The following SCNN1G variants were observed in gnomAD, a reference collection of about 807,000 sequenced individuals.
SCNN1G encodes epithelial sodium channel subunit gamma.
Under a neutral mutation model 64.6 loss-of-function variants are expected in SCNN1G, and 27 were observed. The observed-to-expected ratio is 0.42, with a 90% CI of 0.31 to 0.58. The LOEUF (loss-of-function observed/expected upper bound fraction) is 0.58. SCNN1G is among the 20% of genes least tolerant of loss of function. The probability of loss-of-function intolerance (pLI) is 0.18; values close to 1 mark genes in which losing one functional copy is unlikely to be tolerated. For synonymous variants in SCNN1G, 330 were observed against 314.2 expected, an observed-to-expected ratio of 1.05 and a Z score of -0.53; for missense variants, 743 against 823.4, an observed-to-expected ratio of 0.90 and a Z score of 1.19.
intron 11 of SCNN1G, among the ~76,000 whole-genome samples, chr16:23,213,506 C>T (rs1458834413): frequency 6.6e-6 from 1 of 152,202 alleles, no homozygotes; most frequent in Non-Finnish European, 1.5e-5. Context: ...CCTCCCTTGG[C>T]CTTCCAAAGT....
intron 8 of SCNN1G, 125 bp from the exon 9 acceptor site, chr16:23,212,553 G>A (rs150797511): frequency 7.6e-6 from 6 of 792,402 alleles, no homozygotes; most frequent in Non-Finnish European, 1.1e-5. Context: ...TTTCCAGAGA[G>A]TTGGTAGAAA....
chr16:23,215,362 C>G lies in SCNN1G; in HGVS notation c.1843C>G (p.Leu615Val), dbSNP rs760665964. The G allele has an allele frequency of 1.9e-6, 3 of 1,614,156 alleles. No individual in the cohort carries two copies. In the South Asian group the frequency reaches 3.3e-5, roughly 18 times the overall value. Residue 615 changes from leucine to valine, a missense_variant, in exon 13 of 13, where the codon CTA (leucine) becomes GTA (valine). Physicochemically the swap from Leu to Val is conservative, Grantham distance 32 (BLOSUM62 1). Coordinates refer to ENST00000300061, the MANE Select transcript of SCNN1G (RefSeq NM_001039.4). ...CTCTGCTTTGCACCTGCCTCCAGCC[C>G]TAGGAACCCAAGTGCCCGGCACACC... ...FNSALHLPPA[L>V]GTQVPGTPPP...
At chr16:23,182,913 C>A (rs946896071) in intron 1 of SCNN1G, 100 bp downstream of exon 1, 4 of 152,500 alleles carry the variant, frequency 2.6e-5, no homozygotes, top group Non-Finnish European at 5.9e-5. Flanking sequence ...CGGTGGGTGG[C>A]CGAGCCAGCA....
At chr16:23,199,963 G>T (rs1047623037) in intron 6 of SCNN1G, among the ~76,000 whole-genome samples, 1 of 152,114 alleles carries the variant, frequency 6.6e-6, no homozygotes, top group Non-Finnish European at 1.5e-5. Flanking sequence ...GAGCCACAGC[G>T]CCTGGCCCAT....
intron 5 of SCNN1G, among the ~76,000 whole-genome samples, chr16:23,196,213 A>G (rs1959793004): frequency 6.6e-6 from 1 of 152,220 alleles, no homozygotes; most frequent in African/African-American, 2.4e-5. Context: ...CTATTTAAGG[A>G]GCAAAAGATT....
intron 3 of SCNN1G, 61 bp downstream of exon 3, chr16:23,189,732 A>G: frequency 6.6e-7 from 1 of 1,516,238 alleles, no homozygotes; most frequent in Non-Finnish European, 9.2e-7. Flanking sequence ...TGGGTCCAGG[A>G]CTCTTCTCCT....
At chr16:23,185,326 T>G (rs1030097026) in intron 1 of SCNN1G, among the ~76,000 whole-genome samples, 2 of 152,240 alleles carry the variant, frequency 1.3e-5, no homozygotes, top group African/African-American at 4.8e-5. Flanking sequence ...GACTATATAT[T>G]ATAAACATGA....
At position 23,197,284 on chromosome 16, in the gene SCNN1G, A is replaced by G. The variant is rs773230579; in HGVS notation, c.934A>G (p.Ile312Val). The G allele has an allele frequency of 1.9e-6, 3 of 1,613,856 alleles. No homozygotes were observed. The highest frequency in any genetic ancestry group is 2.2e-5 in the East Asian group (1 of 44,900). Residue 312 changes from isoleucine to valine, a missense_variant, in exon 6 of 13, where the codon ATA becomes GTA. Ile to Val is a conservative substitution (Grantham distance 29). Transcript: ENST00000300061. ...CCCAGGGCTGCAAGTCATTTTGTAC[A>G]TAAACGAAGAGGAATACAACCCATT... ...SEYGLQVILY[I>V]NEEEYNPFLV...
At chr16:23,208,252 C>T (rs1208173755) in intron 6 of SCNN1G, among the ~76,000 whole-genome samples, 4 of 152,036 alleles carry the variant, frequency 2.6e-5, no homozygotes, top group Non-Finnish European at 4.4e-5. Context: ...GAGGCTGAGG[C>T]AGGAAGGTCC....
chr16:23,212,278 T>C (rs1421363952), intron 8 of SCNN1G, 127 bp downstream of exon 8: 5 of 735,042 alleles, frequency 6.8e-6, no homozygotes, highest in Non-Finnish European at 9.9e-6. Context: ...TGAGAGCCAT[T>C]AACTAGAGTT....
intron 2 of SCNN1G, among the ~76,000 whole-genome samples, chr16:23,187,306 G>T (rs531027196): frequency 6.6e-6 from 1 of 151,952 alleles, no homozygotes; most frequent in Admixed American, 6.6e-5. Context: ...ATGGGGTCTC[G>T]CTATGTTACT....
intron 7 of SCNN1G, among the ~76,000 whole-genome samples, chr16:23,211,302 A>G (rs913786021): frequency 2.0e-5 from 3 of 152,260 alleles, no homozygotes; most frequent in Admixed American, 1.3e-4. Flanking sequence ...TATAAGCTCC[A>G]TGGATATTGT....
At chr16:23,214,590 T>C in intron 11 of SCNN1G, 122 bp from the exon 12 acceptor site, 1 of 771,084 alleles carries the variant, frequency 1.3e-6, no homozygotes, top group Non-Finnish European at 2.3e-6. Flanking sequence ...GGTTCTAATA[T>C]CCCCAAGGAG....
intron 6 of SCNN1G, among the ~76,000 whole-genome samples, chr16:23,203,161 C>T (rs1197863371): frequency 6.6e-6 from 1 of 152,132 alleles, no homozygotes; most frequent in Non-Finnish European, 1.5e-5. Flanking sequence ...ACCAAATAAG[C>T]AAGTACAGTC....
rs113234492 is a variant in SCNN1G, at chr16:23,214,750, T to A, written c.1532T>A (p.Leu511Gln). Residue 511 changes from leucine (L) to glutamine (Q), a missense_variant, in exon 12 of 13, where the codon CTG becomes CAG. By Grantham distance (113) the Leu-to-Gln change is moderately radical (BLOSUM62 -2). Transcript: ENST00000300061. The part of the protein sequence containing the change: ...LAKLLIFYKD[L>Q]NQRSIMESPA... ...AAACTCTTGATATTCTACAAAGACCTGAACCAGAGATCCATCATGGAGAGC... is the reference window on the plus strand; with the variant it reads ...AAACTCTTGATATTCTACAAAGACCAGAACCAGAGATCCATCATGGAGAGC... 4.3e-4 allele frequency: 688 copies of A among 1,614,008 alleles called. No individual in the cohort carries two copies. Among genetic ancestry groups the A allele is most frequent in the Non-Finnish European group, 5.6e-4 (663 of 1,179,986 alleles).
intron 8 of SCNN1G, 28 bp downstream of exon 8, chr16:23,212,179 A>G (rs1294515271): frequency 6.9e-7 from 1 of 1,457,304 alleles, no homozygotes; most frequent in South Asian, 1.1e-5. Context: ...CCAGCCTTGC[A>G]TGCCCCAGGA....
chr16:23,207,023 T>A (rs947484951), intron 6 of SCNN1G, among the ~76,000 whole-genome samples: 1 of 152,152 alleles, frequency 6.6e-6, no homozygotes, highest in Non-Finnish European at 1.5e-5. Flanking sequence ...AACAGAAAAT[T>A]TGCTCCATTT....
intron 12 of SCNN1G, 72 bp downstream of exon 12, chr16:23,214,859 G>A (rs894593630): frequency 3.0e-5 from 41 of 1,355,736 alleles, no homozygotes; most frequent in Non-Finnish European, 4.3e-5. Flanking sequence ...GCCTTGGGGA[G>A]CAGAATCAGG....
chr16:23,185,611 C>G (rs1313627926), intron 1 of SCNN1G, among the ~76,000 whole-genome samples: 1 of 152,166 alleles, frequency 6.6e-6, no homozygotes, highest in Non-Finnish European at 1.5e-5. Context: ...AAGAGCTTGA[C>G]TGTAAAGAGA....
Sources: gnomAD v4.1 joint callset for allele counts (sites outside exome capture counted in the v4.1 genomes callset) on GRCh38, gnomAD v4.1.1 for gene constraint, MANE v1.5 for transcripts, NCBI Gene and HGNC (gene_info 2026-07-23, HGNC 2026-07-21) for gene names.